RAB8A: variants seen among roughly 807,000 people sequenced by gnomAD.
RAB8A encodes ras-related protein Rab-8A.
Under a neutral mutation model 29.2 loss-of-function variants are expected in RAB8A, and 5 were observed. That is an observed-to-expected ratio of 0.17 (90% CI 0.09 to 0.36). The LOEUF (loss-of-function observed/expected upper bound fraction) is 0.36, where lower values mean the gene tolerates loss of function less well. Among genes scored for constraint, RAB8A ranks in the 10% least tolerant of loss-of-function variants. RAB8A has a pLI of 1.00. For missense variants in RAB8A, 171 were observed against 272.2 expected (o/e 0.63, Z 2.62); for synonymous variants, 108 against 99.9 (o/e 1.08, Z -0.49).
At chr19:16,126,139 G>C in intron 4 of RAB8A, 1 of 182,820 alleles carries the variant, frequency 5.5e-6, no homozygotes, top group South Asian at 1.1e-4. Context: ...TGGGGCTTCA[G>C]GTCTGAGGCA....
Position 16,122,330 on chromosome 19 carries a change from T to C in RAB8A, c.246+520T>C, listed in dbSNP as rs1393659382. ...TTCTCTGGGCCAGGCCTTAACTAGA[T>C]GCAGAAGGCGGCCAGGGATGGGACG... On this transcript the variant is annotated intron_variant, in intron 3 of 7. Transcript: ENST00000300935. The surrounding 1 kb of genome is among the most constrained non-coding windows in gnomAD (Gnocchi z 4.7). 6.6e-6 allele frequency among the ~76,000 whole-genome samples: 1 copy of C among 152,144 alleles called. No individual in the cohort carries two copies. Among genetic ancestry groups the C allele is most frequent in the Non-Finnish European group, 1.5e-5 (1 of 68,014 alleles).
intron 1 of RAB8A, among the ~76,000 whole-genome samples, chr19:16,113,135 A>G (rs776438415): frequency 2.0e-5 from 3 of 152,216 alleles, no homozygotes; most frequent in Non-Finnish European, 4.4e-5. Context: ...TCTCAGTGCC[A>G]CAAAAGCAGT....
At position 16,125,074 on chromosome 19, in the gene RAB8A, T is replaced by C. The variant is rs1268668491; in HGVS notation, c.247-396T>C. The C allele has an allele frequency of 1.0e-5, 3 of 300,242 alleles. No homozygotes were observed. Among genetic ancestry groups the C allele is most frequent in the Non-Finnish European group, 2.0e-5 (3 of 151,206 alleles). 18.6% of individuals were successfully genotyped at this position (300,242 alleles called of 1,614,324 possible). A position where few individuals can be genotyped will look rare whatever the true frequency, so the allele number is the denominator to read the frequency against. On this transcript the variant is annotated intron_variant, in intron 3 of 7. Coordinates refer to ENST00000300935, the MANE Select transcript of RAB8A (RefSeq NM_005370.5). This position sits in a 1 kb window ranked among gnomAD's most constrained non-coding sequence, Gnocchi z 5.0. ...GAGCAAGGGGTGAAGAGGAGGCCGA[T>C]TGCAGGGGAGGGTCAGCGTGAGGGG...
At position 16,127,438 on chromosome 19, in the gene RAB8A, A is replaced by C; in HGVS notation, c.326A>C (p.His109Pro). The C allele has an allele frequency of 6.7e-7, 1 of 1,485,822 alleles. No homozygotes were observed. Among genetic ancestry groups the C allele is most frequent in the Non-Finnish European group, 8.9e-7 (1 of 1,118,612 alleles). 92.0% of individuals were successfully genotyped at this position (1,485,822 alleles called of 1,614,324 possible). ...IRNWIRNIEE[H>P]ASADVEKMIL... Reference sequence around the variant, plus strand: ...CCCGTCTGTCCCCCTCCCTCTCAGCACGCCTCTGCAGACGTCGAAAAGATG... The same window carrying C: ...CCCGTCTGTCCCCCTCCCTCTCAGCCCGCCTCTGCAGACGTCGAAAAGATG... The change falls in exon 5 of 8, where the codon CAC becomes CCC. Residue 109 changes from histidine (H) to proline (P), a missense_variant and splice_region_variant. Coordinates refer to ENST00000300935, the MANE Select transcript of RAB8A (RefSeq NM_005370.5). The surrounding 1 kb of genome is among the most constrained non-coding windows in gnomAD (Gnocchi z 4.8).
At chr19:16,116,106 C>G (rs1266225150) in intron 1 of RAB8A, among the ~76,000 whole-genome samples, 1 of 152,216 alleles carries the variant, frequency 6.6e-6, no homozygotes, top group African/African-American at 2.4e-5. Flanking sequence ...CAGAAAGGTT[C>G]CCCTGAGGAG....
Position 16,126,000 on chromosome 19 carries a change from G to A in RAB8A, c.324+453G>A, listed in dbSNP as rs2090899477. The stretch of plus-strand genomic sequence containing the variant: ...TGTTCAGACCTTGAACCATAGAGCA[G>A]TGAGAAGTAGGCCAACCCCTCCTCC... On this transcript the variant is annotated intron_variant, in intron 4 of 7. Transcript: ENST00000300935. The surrounding 1 kb of genome is among the most constrained non-coding windows in gnomAD (Gnocchi z 5.0). 8.0e-6 allele frequency: 2 copies of A among 248,772 alleles called. No individual in the cohort carries two copies. Among genetic ancestry groups the A allele is most frequent in the Non-Finnish European group, 1.7e-5 (2 of 118,696 alleles). The allele number at this position is 248,772 out of a possible 1,614,324, so 15.4% of individuals were successfully genotyped here.
chr19:16,113,471 G>A (rs944060653), intron 1 of RAB8A, among the ~76,000 whole-genome samples: 3 of 152,044 alleles, frequency 2.0e-5, no homozygotes, highest in South Asian at 2.1e-4. Context: ...GCAGGATCTC[G>A]GGTCACTACA....
Position 16,134,167 on chromosome 19 carries a change from C to G in RAB8A, c.*1863C>G, listed in dbSNP as rs912106353. 1 of 152,306 alleles carries G rather than the reference C, an allele frequency of 6.6e-6. No individual in the cohort carries two copies. The highest frequency in any genetic ancestry group is 1.5e-5 in the Non-Finnish European group (1 of 68,122). 9.4% of individuals were successfully genotyped at this position (152,306 alleles called of 1,614,324 possible). On this transcript the variant is annotated 3_prime_UTR_variant, in exon 8 of 8. Coordinates refer to ENST00000300935, the MANE Select transcript of RAB8A (RefSeq NM_005370.5). ...TCCAGAGGCAACCAGACAGAAGCATCCAGAATCCTCTCACAGTGGGGTCAC... is the reference window on the plus strand; with the variant it reads ...TCCAGAGGCAACCAGACAGAAGCATGCAGAATCCTCTCACAGTGGGGTCAC...
intron 2 of RAB8A, among the ~76,000 whole-genome samples, chr19:16,120,587 G>A (rs1434049256): frequency 6.7e-6 from 1 of 149,764 alleles, no homozygotes; most frequent in African/African-American, 2.5e-5. Context: ...CTGAGATTAC[G>A]GGAGTGAGCC....
intron 1 of RAB8A, 32 bp from the exon 2 acceptor site, chr19:16,118,194 C>G (rs1261034751): frequency 6.3e-7 from 1 of 1,591,612 alleles, no homozygotes; most frequent in Non-Finnish European, 8.5e-7. Flanking sequence ...AATGGGCTGA[C>G]AGTGACGTGC....
rs773199733 is a variant in RAB8A, at chr19:16,127,478, G to A, written c.366G>A (p.Lys122=). The A allele has an allele frequency of 5.2e-6, 8 of 1,538,584 alleles. No homozygotes were observed. The highest frequency in any genetic ancestry group is 6.1e-6 in the Non-Finnish European group (7 of 1,147,920). Reference sequence around the variant, plus strand: ...TCGAAAAGATGATACTCGGGAACAAGTGTGATGTGAATGACAAGAGACAAG... The same window carrying A: ...TCGAAAAGATGATACTCGGGAACAAATGTGATGTGAATGACAAGAGACAAG... ...ADVEKMILGN[K]CDVNDKRQVS... The change falls in exon 5 of 8, where the codon AAG becomes AAA. Residue 122 remains lysine (K), a synonymous_variant. Coordinates refer to ENST00000300935, the MANE Select transcript of RAB8A (RefSeq NM_005370.5). This position sits in a 1 kb window ranked among gnomAD's most constrained non-coding sequence, Gnocchi z 4.8.
Position 16,118,380 on chromosome 19 carries a change from G to A in RAB8A, c.185+94G>A, listed in dbSNP as rs956553089. The A allele has an allele frequency of 3.9e-5, 47 of 1,200,936 alleles. No homozygotes were observed. The African/African-American group carries it at 6.7e-4, about 17-fold the overall frequency. 74.4% of individuals were successfully genotyped at this position (1,200,936 alleles called of 1,614,324 possible). A position where few individuals can be genotyped will look rare whatever the true frequency, so the allele number is the denominator to read the frequency against. On this transcript the variant is annotated intron_variant, in intron 2 of 7. Coordinates refer to ENST00000300935, the MANE Select transcript of RAB8A (RefSeq NM_005370.5). ...CTCCCTCCACCGTCCCTGTGACCTT[G>A]GCCTCCATTTCTTGGTGCCCAGTCC...
intron 1 of RAB8A, among the ~76,000 whole-genome samples, chr19:16,117,369 G>A (rs1407185677): frequency 6.6e-6 from 1 of 151,862 alleles, no homozygotes; most frequent in African/African-American, 2.4e-5. Flanking sequence ...GGCACCTGTG[G>A]TCCCAGCTAC....
rs903005388 is a variant in RAB8A at position 16,121,780 on chromosome 19, G to A, written c.216G>A (p.Thr72=). 7.4e-6 allele frequency: 12 copies of A among 1,613,898 alleles called. No homozygotes were observed. The highest frequency in any genetic ancestry group is 2.2e-5 in the South Asian group (2 of 91,066). ...WDTAGQERFR[T]ITTAYYRGAM... is the part of the protein sequence containing the mutation. Reference sequence around the variant, plus strand: ...CAGCCGGTCAGGAACGGTTTCGGACGATCACAACGGCCTACTACAGGGGTG... The same window carrying A: ...CAGCCGGTCAGGAACGGTTTCGGACAATCACAACGGCCTACTACAGGGGTG... Residue 72 remains threonine (T), a synonymous_variant, in exon 3 of 8, where the codon ACG becomes ACA. Transcript: ENST00000300935.
chr19:16,130,362 C>T (rs1355240162), intron 7 of RAB8A, among the ~76,000 whole-genome samples: 2 of 152,150 alleles, frequency 1.3e-5, no homozygotes, highest in Non-Finnish European at 2.9e-5. Context: ...ACACGGCGCT[C>T]TATTTGTGGG....
intron 2 of RAB8A, among the ~76,000 whole-genome samples, chr19:16,120,558 G>T (rs1474367105): frequency 6.6e-6 from 1 of 150,684 alleles, no homozygotes; most frequent in Non-Finnish European, 1.5e-5. Context: ...TGATCTGCTG[G>T]CCTCAGCCTC....
At chr19:16,116,039 A>G (rs1295427722) in intron 1 of RAB8A, among the ~76,000 whole-genome samples, 1 of 152,230 alleles carries the variant, frequency 6.6e-6, no homozygotes, top group Non-Finnish European at 1.5e-5. Flanking sequence ...CAGCAGATAC[A>G]TACATGTATG....
intron 3 of RAB8A, chr19:16,124,921 C>A: frequency 5.5e-6 from 1 of 182,984 alleles, no homozygotes; most frequent in Non-Finnish European, 1.2e-5. Flanking sequence ...AGGGCCTTGG[C>A]ACTCTCGGCT....
Position 16,127,586 on chromosome 19 carries a change from C to G in RAB8A, c.414+60C>G. On this transcript the variant is annotated intron_variant, in intron 5 of 7. Transcript: ENST00000300935. The surrounding 1 kb of genome is among the most constrained non-coding windows in gnomAD (Gnocchi z 4.8). ...GGGTCTTGGGGTTCTTGTGCAGAGG[C>G]CTTCCCCTGTCCCTCCTCTGCCCCA... The G allele has an allele frequency of 1.5e-6, 2 of 1,302,014 alleles. No homozygotes were observed. Among genetic ancestry groups the G allele is most frequent in the Non-Finnish European group, 2.1e-6 (2 of 963,232 alleles). 80.7% of individuals were successfully genotyped at this position (1,302,014 alleles called of 1,614,324 possible).
Sources: gnomAD v4.1 joint callset for allele counts (sites outside exome capture counted in the v4.1 genomes callset) on GRCh38, gnomAD v4.1.1 for gene constraint, Gnocchi (gnomAD v3.1) non-coding constraint, MANE v1.5 for transcripts, NCBI Gene and HGNC (gene_info 2026-07-23, HGNC 2026-07-21) for gene names.